SHISA8: variants seen among roughly 807,000 people sequenced by gnomAD.
The protein encoded by SHISA8 is shisa family member 8.
A neutral mutation model predicts 21.1 loss-of-function variants in SHISA8; 21 were observed. That is an observed-to-expected ratio of 0.99 (90% confidence interval 0.71 to 1.43). SHISA8 has a LOEUF of 1.43. Ranked by LOEUF, SHISA8 falls within the 40% of genes most tolerant of loss-of-function variation. SHISA8 has a pLI of 0.00. For synonymous variants in SHISA8, 300 were observed against 291.4 expected, an observed-to-expected ratio of 1.03 and a Z score of -0.30; for missense variants, 535 against 599.1, an observed-to-expected ratio of 0.89 and a Z score of 1.12.
Position 41,910,358 on chromosome 22 carries a change from G to C in SHISA8, c.811+50C>G, listed in dbSNP as rs186227450. On this transcript the variant is annotated intron_variant, in intron 3 of 3. Coordinates refer to ENST00000621082, the MANE Select transcript of SHISA8 (RefSeq NM_001207020.3). The surrounding 1 kb of genome is among the most constrained non-coding windows in gnomAD (Gnocchi z 6.8). ...GCTGCGGCCCCGCGCTTCGCAGTCC[G>C]GGAGCTCGTGCGCCCAGGTGCCCTG... The C allele has an allele frequency of 3.3e-5, 42 of 1,267,074 alleles. No homozygotes were observed. In the African/African-American group the frequency reaches 3.4e-4, roughly 10 times the overall value. 78.5% of individuals were successfully genotyped at this position (1,267,074 alleles called of 1,614,324 possible).
intron 1 of SHISA8, among the ~76,000 whole-genome samples, chr22:41,912,036 T>C (rs1199179178): frequency 6.6e-6 from 1 of 152,210 alleles, no homozygotes; most frequent in Non-Finnish European, 1.5e-5. Context: ...CGGCCCAGGA[T>C]GCCTTATTTA....
At position 41,909,752 on chromosome 22, in the gene SHISA8, C is replaced by T. The variant is rs1266124313; in HGVS notation, c.*13G>A. On this transcript the variant is annotated 3_prime_UTR_variant, in exon 4 of 4. Transcript: ENST00000621082. ...GACCCCAGCCCATGCCTCGAGGGCA[C>T]CGCGGCCCCGCTTCACACGGTGACC... 3.5e-6 allele frequency: 5 copies of T among 1,441,642 alleles called. No individual in the cohort carries two copies. In the South Asian group the frequency reaches 5.5e-5, roughly 16 times the overall value. 89.3% of individuals were successfully genotyped at this position (1,441,642 alleles called of 1,614,324 possible). A position where few individuals can be genotyped will look rare whatever the true frequency, so the allele number is the denominator to read the frequency against.
In SHISA8 at chr22:41,909,946, G is replaced by A; in HGVS notation, c.1013C>T (p.Pro338Leu). The stretch of plus-strand genomic sequence containing the variant: ...GGCCCGAGCCGTCGGGTGGCTGAGC[G>A]GGGCGGGCCGGGCCGGGCGACTGGA... ...WTSSRPARPA[P>L]LSHPTARAFQ... The change falls in exon 4 of 4, where the codon CCG becomes CTG. Residue 338 changes from proline (P) to leucine (L), a missense_variant. By Grantham distance (98) the Pro-to-Leu change is moderately conservative. Coordinates refer to ENST00000621082, the MANE Select transcript of SHISA8 (RefSeq NM_001207020.3). 1 of 1,493,840 alleles carries A rather than the reference G, an allele frequency of 6.7e-7. No homozygotes were observed. Among genetic ancestry groups the A allele is most frequent in the Non-Finnish European group, 8.9e-7 (1 of 1,128,252 alleles). The allele number at this position is 1,493,840 out of a possible 1,614,324, so 92.5% of individuals were successfully genotyped here.
intron 1 of SHISA8, among the ~76,000 whole-genome samples, chr22:41,913,903 G>A (rs983785687): frequency 2.0e-5 from 3 of 151,004 alleles, no homozygotes; most frequent in Admixed American, 6.6e-5. Flanking sequence ...GAGGAGACTC[G>A]AGCAGGGAAA....
rs1328182009 is a variant in SHISA8 at position 41,910,028 on chromosome 22, A to T, written c.931T>A (p.Trp311Arg). 2 of 1,267,062 alleles carry T rather than the reference A, an allele frequency of 1.6e-6. No individual in the cohort carries two copies. The highest frequency in any genetic ancestry group is 3.1e-5 in the African/African-American group (2 of 63,994). 78.5% of individuals were successfully genotyped at this position (1,267,062 alleles called of 1,614,324 possible). ...GGGGGCGCGTAGACCGGCGGGGCCC[A>T]GGGGCAGGCGTCCAGCGGCGCAGGC... is the stretch of plus-strand genomic sequence containing the variant. Reference protein sequence around the residue: ...DLPAPLDACPWAPPVYAPPAA... With the variant: ...DLPAPLDACPRAPPVYAPPAA... The change falls in exon 4 of 4, where the codon TGG becomes AGG. Residue 311 changes from tryptophan (W) to arginine (R), a missense_variant. By Grantham distance (101) the Trp-to-Arg change is moderately radical (BLOSUM62 -3). Transcript: ENST00000621082. The surrounding 1 kb of genome is among the most constrained non-coding windows in gnomAD (Gnocchi z 6.8).
In SHISA8 at chr22:41,910,676, G is replaced by A; in HGVS notation, c.665-122C>T. 1 of 1,118,172 alleles carries A rather than the reference G, an allele frequency of 8.9e-7. No homozygotes were observed. Among genetic ancestry groups the A allele is most frequent in the Non-Finnish European group, 1.1e-6 (1 of 892,184 alleles). The allele number at this position is 1,118,172 out of a possible 1,614,324, so 69.3% of individuals were successfully genotyped here. ...GAGAACCTGGGGGACCGTTCTCCGG[G>A]CGAGGCTGCGAGCCAAGCCTGTCTT... On this transcript the variant is annotated intron_variant, in intron 2 of 3. Coordinates refer to ENST00000621082, the MANE Select transcript of SHISA8 (RefSeq NM_001207020.3). This position sits in a 1 kb window ranked among gnomAD's most constrained non-coding sequence, Gnocchi z 6.8.
In SHISA8 at chr22:41,910,128, G is replaced by T. The variant is rs919713495; in HGVS notation, c.831C>A (p.Phe277Leu). ...LKAAEAAPRD[F>L]CQRFPALEPS... is the part of the protein sequence containing the mutation. ...GCTCGAGGGCGGGGAAACGCTGACA[G>T]AAGTCCCGCGGGGCGGCCTCTGCGG... The change falls in exon 4 of 4, where the codon TTC becomes TTA. Residue 277 changes from phenylalanine (F) to leucine (L), a missense_variant. Physicochemically the swap from Phe to Leu is conservative, Grantham distance 22. Coordinates refer to ENST00000621082, the MANE Select transcript of SHISA8 (RefSeq NM_001207020.3). This position sits in a 1 kb window ranked among gnomAD's most constrained non-coding sequence, Gnocchi z 6.8. 18 of 1,238,198 alleles carry T rather than the reference G, an allele frequency of 1.5e-5. No individual in the cohort carries two copies. Among genetic ancestry groups the T allele is most frequent in the Non-Finnish European group, 1.8e-5 (18 of 994,088 alleles). The allele number at this position is 1,238,198 out of a possible 1,614,324, so 76.7% of individuals were successfully genotyped here. A position where few individuals can be genotyped will look rare whatever the true frequency, so the allele number is the denominator to read the frequency against.
In SHISA8 at chr22:41,909,595, AAAGGGCTTATTTAC is replaced by A; in HGVS notation, c.*156_*169del. The A allele has an allele frequency of 1.2e-6, 1 of 869,494 alleles. No homozygotes were observed. Among genetic ancestry groups the A allele is most frequent in the Non-Finnish European group, 1.6e-6 (1 of 639,074 alleles). 53.9% of individuals were successfully genotyped at this position (869,494 alleles called of 1,614,324 possible). A position where few individuals can be genotyped will look rare whatever the true frequency, so the allele number is the denominator to read the frequency against. The stretch of plus-strand genomic sequence containing the variant: ...TATTCTCAGGGGCAGGAACCACATA[AAAGGGCTTATTTAC>A]AAGACGAACCCGCGGCCTGCAGGCT... On this transcript the variant is annotated 3_prime_UTR_variant, in exon 4 of 4. Transcript: ENST00000621082.
chr22:41,910,410 G>A lies in SHISA8; in HGVS notation c.809C>T (p.Ala270Val). 1 of 1,349,148 alleles carries A rather than the reference G, an allele frequency of 7.4e-7. No individual in the cohort carries two copies. Among genetic ancestry groups the A allele is most frequent in the Non-Finnish European group, 9.5e-7 (1 of 1,050,750 alleles). The allele number at this position is 1,349,148 out of a possible 1,614,324, so 83.6% of individuals were successfully genotyped here. A position where few individuals can be genotyped will look rare whatever the true frequency, so the allele number is the denominator to read the frequency against. Reference sequence around the variant, plus strand: ...CGCTGCCCGCACCCGCCACTCACCTGCGGCCTTGAGCGCGGCGGCCTTGAA... The same window carrying A: ...CGCTGCCCGCACCCGCCACTCACCTACGGCCTTGAGCGCGGCGGCCTTGAA... Reference protein sequence around the residue: ...ATFKAAALKAAEAAPRDFCQR... With the variant: ...ATFKAAALKAVEAAPRDFCQR... Residue 270 changes from alanine to valine, a missense_variant and splice_region_variant, in exon 3 of 4, where the codon GCA becomes GTA. By Grantham distance (64) the Ala-to-Val change is moderately conservative (BLOSUM62 0). Coordinates refer to ENST00000621082, the MANE Select transcript of SHISA8 (RefSeq NM_001207020.3). The surrounding 1 kb of genome is among the most constrained non-coding windows in gnomAD (Gnocchi z 6.8).
At chr22:41,912,306 A>C (rs1168104265) in intron 1 of SHISA8, among the ~76,000 whole-genome samples, 1 of 152,190 alleles carries the variant, frequency 6.6e-6, no homozygotes, top group Non-Finnish European at 1.5e-5. Flanking sequence ...TCTCCCACTC[A>C]GCCTGACCCT....
chr22:41,913,521 C>T (rs530861363), intron 1 of SHISA8, among the ~76,000 whole-genome samples: 102 of 152,338 alleles, frequency 6.7e-4, no homozygotes, highest in African/African-American at 2.4e-3. Flanking sequence ...GCAACAAGCA[C>T]CTGTCCTGGC....
rs2146572431 is a variant in SHISA8, at chr22:41,909,923, C to T, written c.1036G>A (p.Ala346Thr). The T allele has an allele frequency of 2.0e-6, 3 of 1,522,866 alleles. No individual in the cohort carries two copies. The highest frequency in any genetic ancestry group is 1.8e-4 in the Middle Eastern group (1 of 5,606). 94.3% of individuals were successfully genotyped at this position (1,522,866 alleles called of 1,614,324 possible). The change falls in exon 4 of 4, where the codon GCC (alanine) becomes ACC (threonine). Residue 346 changes from alanine to threonine, a missense_variant. Ala to Thr is a moderately conservative substitution (Grantham distance 58). Transcript: ENST00000621082. Reference sequence around the variant, plus strand: ...CCGGGTCGCCGGGGTACCTGGAAGGCCCGAGCCGTCGGGTGGCTGAGCGGG... The same window carrying T: ...CCGGGTCGCCGGGGTACCTGGAAGGTCCGAGCCGTCGGGTGGCTGAGCGGG... ...PAPLSHPTAR[A>T]FQVPRRPGHA...
Position 41,910,151 on chromosome 22 carries a change from CG to C in SHISA8, c.812-5del, listed in dbSNP as rs2077538864. On this transcript the variant is annotated splice_polypyrimidine_tract_variant and splice_region_variant and intron_variant, in intron 3 of 3. Coordinates refer to ENST00000621082, the MANE Select transcript of SHISA8 (RefSeq NM_001207020.3). This position sits in a 1 kb window ranked among gnomAD's most constrained non-coding sequence, Gnocchi z 6.8. ...CAGAAGTCCCGCGGGGCGGCCTCTG[CG>C]GGGACAGGGCAGGGAAGAGTGACGC... 2.4e-6 allele frequency: 3 copies of C among 1,236,432 alleles called. No homozygotes were observed. In the South Asian group the frequency reaches 1.2e-4, roughly 49 times the overall value. 76.6% of individuals were successfully genotyped at this position (1,236,432 alleles called of 1,614,324 possible).
In SHISA8 at chr22:41,914,171, G is replaced by T. The variant is rs944456781; in HGVS notation, c.497C>A (p.Ala166Glu). 6.2e-6 allele frequency: 9 copies of T among 1,459,610 alleles called. No homozygotes were observed. The highest frequency in any genetic ancestry group is 1.5e-5 in the African/African-American group (1 of 67,166). The allele number at this position is 1,459,610 out of a possible 1,614,324, so 90.4% of individuals were successfully genotyped here. A position where few individuals can be genotyped will look rare whatever the true frequency, so the allele number is the denominator to read the frequency against. ...GIGARLGLERAHSPRARRTVT... is the reference protein window; with the variant it reads ...GIGARLGLEREHSPRARRTVT... ...TGTGCGCCGCGCGCGCGGGCTGTGC[G>T]CCCTCTCCAGTCCCAGGCGCGCCCC... The change falls in exon 1 of 4, where the codon GCG becomes GAG. Residue 166 changes from alanine (A) to glutamate (E), a missense_variant. Coordinates refer to ENST00000621082, the MANE Select transcript of SHISA8 (RefSeq NM_001207020.3). The surrounding 1 kb of genome is among the most constrained non-coding windows in gnomAD (Gnocchi z 6.8).
intron 1 of SHISA8, among the ~76,000 whole-genome samples, chr22:41,912,432 G>A (rs1056113404): frequency 1.3e-5 from 2 of 152,180 alleles, no homozygotes; most frequent in Admixed American, 6.5e-5. Flanking sequence ...AACCATCCTA[G>A]TACCTGCCTG....
intron 1 of SHISA8, among the ~76,000 whole-genome samples, chr22:41,912,685 C>T (rs1328886237): frequency 2.0e-5 from 3 of 152,198 alleles, no homozygotes; most frequent in African/African-American, 7.2e-5. Flanking sequence ...GACACACCCA[C>T]ACACAAGCCT....
Position 41,909,585 on chromosome 22 carries a change from G to C in SHISA8, c.*180C>G. On this transcript the variant is annotated 3_prime_UTR_variant, in exon 4 of 4. Transcript: ENST00000621082. The stretch of plus-strand genomic sequence containing the variant: ...GGGGCTTCTTTATTCTCAGGGGCAG[G>C]AACCACATAAAAGGGCTTATTTACA... The C allele has an allele frequency of 2.6e-6, 2 of 757,916 alleles. No homozygotes were observed. The highest frequency in any genetic ancestry group is 1.8e-6 in the Non-Finnish European group (1 of 541,846). 46.9% of individuals were successfully genotyped at this position (757,916 alleles called of 1,614,324 possible). A position where few individuals can be genotyped will look rare whatever the true frequency, so the allele number is the denominator to read the frequency against.
chr22:41,909,904 C>T lies in SHISA8; in HGVS notation c.1055G>A (p.Arg352Gln), dbSNP rs2077535868. 6.5e-7 allele frequency: 1 copy of T among 1,527,088 alleles called. No homozygotes were observed. Among genetic ancestry groups the T allele is most frequent in the Non-Finnish European group, 8.7e-7 (1 of 1,143,158 alleles). The allele number at this position is 1,527,088 out of a possible 1,614,324, so 94.6% of individuals were successfully genotyped here. ...PTARAFQVPR[R>Q]PGHAARRQFS... ...CTGGCGCCGGGCCGCGTGCCCGGGTCGCCGGGGTACCTGGAAGGCCCGAGC... is the reference window on the plus strand; with the variant it reads ...CTGGCGCCGGGCCGCGTGCCCGGGTTGCCGGGGTACCTGGAAGGCCCGAGC... Residue 352 changes from arginine (R) to glutamine (Q), a missense_variant, in exon 4 of 4, where the codon CGA becomes CAA. Physicochemically the swap from Arg to Gln is conservative, Grantham distance 43 (BLOSUM62 1). Transcript: ENST00000621082.
At position 41,909,697 on chromosome 22, in the gene SHISA8, C is replaced by T; in HGVS notation, c.*68G>A. On this transcript the variant is annotated 3_prime_UTR_variant, in exon 4 of 4. Coordinates refer to ENST00000621082, the MANE Select transcript of SHISA8 (RefSeq NM_001207020.3). ...GGCCTTACGGCAGGCGCTCCTCTCCCTGTGGCCTGAGGCTCCGACGGGCAG... is the reference window on the plus strand; with the variant it reads ...GGCCTTACGGCAGGCGCTCCTCTCCTTGTGGCCTGAGGCTCCGACGGGCAG... 7.4e-7 allele frequency: 1 copy of T among 1,344,580 alleles called. No individual in the cohort carries two copies. Among genetic ancestry groups the T allele is most frequent in the East Asian group, 3.1e-5 (1 of 32,776 alleles). 83.3% of individuals were successfully genotyped at this position (1,344,580 alleles called of 1,614,324 possible).
Sources: gnomAD v4.1 joint callset for allele counts (sites outside exome capture counted in the v4.1 genomes callset) on GRCh38, gnomAD v4.1.1 for gene constraint, Gnocchi (gnomAD v3.1) non-coding constraint, MANE v1.5 for transcripts, NCBI Gene and HGNC (gene_info 2026-07-23, HGNC 2026-07-21) for gene names.